Variants in PRR16 observed in about 807,000 individuals in gnomAD.
The protein encoded by PRR16 is protein Largen.
In PRR16, 6 loss-of-function variants were observed where a neutral mutation model predicts 18.2. The observed-to-expected ratio is 0.33, with a 90% confidence interval of 0.18 to 0.65. The LOEUF is 0.65. Ranked by LOEUF, PRR16 falls within the 30% of genes least tolerant of loss-of-function variation. PRR16 has a pLI of 0.74. For synonymous variants in PRR16, 151 were observed against 147.8 expected (o/e 1.02, Z -0.16); for missense variants, 412 against 376.6 (o/e 1.09, Z -0.78).
the PRR16 span, among the ~76,000 whole-genome samples, chr5:120,785,563 T>TTTGTTGTTG: frequency 1.5e-5 from 2 of 133,840 alleles, no homozygotes; most frequent in African/African-American, 5.6e-5. Flanking sequence ...GTGTGTGTGT[T>TTTGTTGTTG]TTGTTGTTGT....
At chr5:120,755,348 A>G in the PRR16 span, among the ~76,000 whole-genome samples, 3 of 152,188 alleles carry the variant, frequency 2.0e-5, no homozygotes, top group East Asian at 5.8e-4. Flanking sequence ...TACTGGGCAT[A>G]GTATCCAATA....
chr5:120,688,215 AT>A (rs1757170312), downstream of PRR16, among the ~76,000 whole-genome samples: 1 of 152,186 alleles, frequency 6.6e-6, no homozygotes, highest in African/African-American at 2.4e-5. Context: ...ATGATTATAT[AT>A]TTTAGATGGA....
chr5:120,489,966 G>T (rs1237446295), intron 1 of PRR16, among the ~76,000 whole-genome samples: 1 of 152,206 alleles, frequency 6.6e-6, no homozygotes, highest in Non-Finnish European at 1.5e-5. Context: ...CTTTAAGAAT[G>T]TTGAATATTG....
chr5:120,590,759 G>A (rs1029237174), intron 1 of PRR16, among the ~76,000 whole-genome samples: 5 of 152,040 alleles, frequency 3.3e-5, no homozygotes, highest in Non-Finnish European at 5.9e-5. Flanking sequence ...AACATAGAAT[G>A]AGACCTTGAC....
chr5:120,570,241 A>T (rs1752863931), intron 1 of PRR16, among the ~76,000 whole-genome samples: 1 of 152,102 alleles, frequency 6.6e-6, no homozygotes, highest in Non-Finnish European at 1.5e-5. Flanking sequence ...ATACCTGTGG[A>T]TAGAGAGGAT....
intron 1 of PRR16, among the ~76,000 whole-genome samples, chr5:120,516,922 TGA>T (rs142234004): frequency 0.017 from 2,589 of 152,308 alleles, 79 homozygotes; most frequent in African/African-American, 0.059. Flanking sequence ...GCAGGGCCAC[TGA>T]GTCACCTGTG....
intron 1 of PRR16, among the ~76,000 whole-genome samples, chr5:120,517,091 C>A (rs567301577): frequency 4.6e-4 from 70 of 152,242 alleles, no homozygotes; most frequent in African/African-American, 1.6e-3. Context: ...GCAAAAAAAT[C>A]TTTGGCAGCA....
At chr5:120,708,682 A>G in the PRR16 span, among the ~76,000 whole-genome samples, 1 of 152,192 alleles carries the variant, frequency 6.6e-6, no homozygotes, top group African/African-American at 2.4e-5. Context: ...TTGTGGATTA[A>G]GCATTTCAGT....
intron 1 of PRR16, among the ~76,000 whole-genome samples, chr5:120,619,183 A>G (rs1302343802): frequency 6.6e-6 from 1 of 152,130 alleles, no homozygotes; most frequent in African/African-American, 2.4e-5. Context: ...AATTTCCTAA[A>G]GTCAAGTATT....
the PRR16 span, among the ~76,000 whole-genome samples, chr5:120,794,374 A>G: frequency 3.9e-5 from 6 of 152,114 alleles, no homozygotes; most frequent in African/African-American, 7.2e-5. Flanking sequence ...ATGTTCCAAC[A>G]GCATGCATTT....
chr5:120,752,976 T>C, the PRR16 span, among the ~76,000 whole-genome samples: 2 of 6,000 alleles, frequency 3.3e-4, no homozygotes, highest in Non-Finnish European at 0.034. Flanking sequence ...TAAATTAGGA[T>C]AATATTATTG....
intron 1 of PRR16, among the ~76,000 whole-genome samples, chr5:120,635,397 C>A (rs578038123): frequency 1.1e-3 from 165 of 152,142 alleles, no homozygotes; most frequent in African/African-American, 3.6e-3. Context: ...AATCCAACAG[C>A]GTATCAAAAA....
chr5:120,499,503 A>T (rs945182371), intron 1 of PRR16, among the ~76,000 whole-genome samples: 2 of 151,980 alleles, frequency 1.3e-5, no homozygotes, highest in African/African-American at 4.8e-5. Flanking sequence ...TATATCTTCA[A>T]TTCATGGATT....
At chr5:120,755,182 G>A in the PRR16 span, among the ~76,000 whole-genome samples, 112,081 of 151,544 alleles carry the variant, frequency 0.74, 41,656 homozygotes, top group East Asian at 0.86. Context: ...CTAAAACTTA[G>A]AGTATAATAA....
At chr5:120,535,858 T>C (rs1301943383) in intron 1 of PRR16, among the ~76,000 whole-genome samples, 2 of 152,066 alleles carry the variant, frequency 1.3e-5, no homozygotes, top group Admixed American at 1.3e-4. Context: ...ATCCCAGCAC[T>C]TTGGGAGGCC....
At chr5:120,607,300 T>C (rs959124730) in intron 1 of PRR16, among the ~76,000 whole-genome samples, 1 of 152,200 alleles carries the variant, frequency 6.6e-6, no homozygotes, top group Non-Finnish European at 1.5e-5. Context: ...GATCTTAGTG[T>C]TTGTTTTTTA....
chr5:120,689,724 A>ATCATTAATT (rs1757187882), downstream of PRR16, among the ~76,000 whole-genome samples: 4 of 152,058 alleles, frequency 2.6e-5, no homozygotes, highest in South Asian at 6.2e-4. Context: ...AGGCATGGTA[A>ATCATTAATT]TCATTAATTA....
intron 1 of PRR16, among the ~76,000 whole-genome samples, chr5:120,624,006 T>G (rs1447714735): frequency 1.3e-5 from 2 of 152,128 alleles, no homozygotes; most frequent in Non-Finnish European, 2.9e-5. Flanking sequence ...AATGTTTGTG[T>G]GATTAAAAAG....
intron 1 of PRR16, among the ~76,000 whole-genome samples, chr5:120,612,438 C>G (rs1295745619): frequency 6.6e-6 from 1 of 152,144 alleles, no homozygotes; most frequent in Non-Finnish European, 1.5e-5. Flanking sequence ...CCAGAATTCC[C>G]CCATGGTGTG....
Sources: gnomAD v4.1 joint callset for allele counts (sites outside exome capture counted in the v4.1 genomes callset) on GRCh38, gnomAD v4.1.1 for gene constraint, MANE v1.5 for transcripts, NCBI Gene and HGNC (gene_info 2026-07-23, HGNC 2026-07-21) for gene names.